SLC9D1: variants seen among roughly 807,000 people sequenced by gnomAD.
The protein encoded by SLC9D1 is solute carrier family 9 member D1, also known as putative LAG1-interacting protein.
the SLC9D1 span, among the ~76,000 whole-genome samples, chr13:113,525,824 G>A: frequency 3.3e-5 from 5 of 149,442 alleles, no homozygotes; most frequent in Non-Finnish European, 5.9e-5. Flanking sequence ...CGTAGGAGAC[G>A]ACAGCTCTGT....
At chr13:113,503,348 TGTGTGTG>T in the SLC9D1 span, 4 of 72,742 alleles carry the variant, frequency 5.5e-5, no homozygotes, top group Non-Finnish European at 7.6e-5. Flanking sequence ...TGTGTGATTG[TGTGTGTG>T]TGTGTGTGTG....
At chr13:113,521,368 G>GGT in the SLC9D1 span, among the ~76,000 whole-genome samples, 15 of 150,412 alleles carry the variant, frequency 1.0e-4, no homozygotes, top group South Asian at 1.3e-3. Flanking sequence ...ATGCATGTGT[G>GGT]GTGTGTGTGT....
chr13:113,520,642 C>T, the SLC9D1 span: 2 of 1,613,938 alleles, frequency 1.2e-6, no homozygotes, highest in East Asian at 2.2e-5. Flanking sequence ...CACCGTGCTC[C>T]TCGGCATGCT....
the SLC9D1 span, chr13:113,547,006 A>G: frequency 7.7e-6 from 3 of 388,406 alleles, no homozygotes; most frequent in South Asian, 8.5e-5. Flanking sequence ...GGAGTGCCAG[A>G]CCGAGTGCCG....
the SLC9D1 span, chr13:113,498,273 T>A: frequency 8.4e-7 from 1 of 1,189,212 alleles, no homozygotes; most frequent in South Asian, 1.7e-5. Flanking sequence ...GCAGGAGGAT[T>A]GATTAAGAAA....
At chr13:113,547,457 G>A in the SLC9D1 span, 1 of 1,232,986 alleles carries the variant, frequency 8.1e-7, no homozygotes, top group Non-Finnish European at 1.2e-6. Context: ...GTTTCCAGTG[G>A]GGCCCACATC....
the SLC9D1 span, chr13:113,549,722 G>A: frequency 2.9e-5 from 23 of 793,628 alleles, no homozygotes; most frequent in South Asian, 2.9e-5. Context: ...AGAATTTTCC[G>A]GAGTAGTTTA....
At chr13:113,531,211 A>G in the SLC9D1 span, among the ~76,000 whole-genome samples, 1 of 152,348 alleles carries the variant, frequency 6.6e-6, no homozygotes, top group Non-Finnish European at 1.5e-5. Context: ...TGAGCAAATG[A>G]TGGTGCGTCC....
At chr13:113,535,375 A>G in the SLC9D1 span, 1 of 152,052 alleles carries the variant, frequency 6.6e-6, no homozygotes, top group African/African-American at 2.4e-5. This position sits in a 1 kb window ranked among gnomAD's most constrained non-coding sequence, Gnocchi z 4.1. Context: ...TAGTCCTGAC[A>G]GCGCACCTGG....
At chr13:113,517,376 G>A in the SLC9D1 span, among the ~76,000 whole-genome samples, 1 of 152,068 alleles carries the variant, frequency 6.6e-6, no homozygotes, top group Non-Finnish European at 1.5e-5. Flanking sequence ...GGGACTACAG[G>A]CGCCCGCCAC....
chr13:113,495,370 A>G, the SLC9D1 span: 4 of 504,534 alleles, frequency 7.9e-6, no homozygotes, highest in South Asian at 1.5e-4. Context: ...AATAGTTTAG[A>G]TGTTGATATT....
chr13:113,541,702 C>T, the SLC9D1 span, among the ~76,000 whole-genome samples: 3 of 55,806 alleles, frequency 5.4e-5, no homozygotes, highest in African/African-American at 2.3e-4. Flanking sequence ...CTGATCACTG[C>T]CATGCTTTAT....
At chr13:113,543,782 T>C in the SLC9D1 span, among the ~76,000 whole-genome samples, 7 of 151,814 alleles carry the variant, frequency 4.6e-5, no homozygotes, top group East Asian at 1.4e-3. Flanking sequence ...TTCATAAATA[T>C]GTGATTTACA....
chr13:113,531,075 C>T, the SLC9D1 span, among the ~76,000 whole-genome samples: 1 of 152,210 alleles, frequency 6.6e-6, no homozygotes, highest in Non-Finnish European at 1.5e-5. Context: ...GGGAGGCACC[C>T]GGCTCCCTTA....
the SLC9D1 span, chr13:113,491,248 G>T: frequency 6.6e-6 from 1 of 152,316 alleles, no homozygotes; most frequent in Admixed American, 6.5e-5. Context: ...CGGGCCGGAC[G>T]GGCGGGCGCG....
chr13:113,529,946 C>T, the SLC9D1 span: 10 of 152,256 alleles, frequency 6.6e-5, no homozygotes, highest in East Asian at 1.9e-4. Context: ...CAGCATTATT[C>T]GTATAGTTAA....
the SLC9D1 span, among the ~76,000 whole-genome samples, chr13:113,537,971 G>A: frequency 6.6e-6 from 1 of 150,522 alleles, no homozygotes; most frequent in Non-Finnish European, 1.5e-5. Context: ...GTGCTTTGTG[G>A]TGTGTACATG....
the SLC9D1 span, among the ~76,000 whole-genome samples, chr13:113,543,028 CGG>C: frequency 7.6e-6 from 1 of 132,116 alleles, no homozygotes; most frequent in African/African-American, 3.4e-5. Flanking sequence ...TCTGCACCCC[CGG>C]CCCTCCGTGT....
the SLC9D1 span, among the ~76,000 whole-genome samples, chr13:113,494,314 C>T: frequency 2.0e-5 from 3 of 152,114 alleles, no homozygotes; most frequent in African/African-American, 2.4e-5. Flanking sequence ...ACGGACTCTA[C>T]GTTTATTACT....
Sources: gnomAD v4.1 joint callset for allele counts (sites outside exome capture counted in the v4.1 genomes callset) on GRCh38, gnomAD v4.1.1 for gene constraint, Gnocchi (gnomAD v3.1) non-coding constraint, MANE v1.5 for transcripts, NCBI Gene and HGNC (gene_info 2026-07-23, HGNC 2026-07-21) for gene names.